RAB12: variants seen among roughly 807,000 people sequenced by gnomAD.
RAB12 encodes RAB12, member RAS oncogene family, also known as ras-related protein Rab-12.
In RAB12, 11 loss-of-function variants were observed where a neutral mutation model predicts 28.4. The ratio of observed to expected loss-of-function variants is 0.39; its 90% CI spans 0.24 to 0.64. RAB12 has a LOEUF of 0.64. RAB12 is among the 30% of genes least tolerant of loss of function. The pLI, the probability that RAB12 is intolerant of heterozygous loss-of-function variation, is 0.50. For missense variants in RAB12, 276 were observed against 351.1 expected, an observed-to-expected ratio of 0.79 and a Z score of 1.71; for synonymous variants, 138 against 145.3, an observed-to-expected ratio of 0.95 and a Z score of 0.36.
Position 8,638,403 on chromosome 18 carries a change from A to G in RAB12, c.*141A>G, listed in dbSNP as rs1244175645. The G allele has an allele frequency of 6.4e-6, 4 of 621,490 alleles. No homozygotes were observed. Among genetic ancestry groups the G allele is most frequent in the African/African-American group, 1.8e-5 (1 of 54,192 alleles). 38.5% of individuals were successfully genotyped at this position (621,490 alleles called of 1,614,324 possible). A position where few individuals can be genotyped will look rare whatever the true frequency, so the allele number is the denominator to read the frequency against. ...TATACACTAACTTGTAAATATGCAT[A>G]TATGCAATCCTGGGTAAGTTTTGGT... is the stretch of plus-strand genomic sequence containing the variant. On this transcript the variant is annotated 3_prime_UTR_variant, in exon 6 of 6. Transcript: ENST00000649141.
At chr18:8,631,232 A>G (rs558395570) in intron 2 of RAB12, among the ~76,000 whole-genome samples, 28 of 152,332 alleles carry the variant, frequency 1.8e-4, no homozygotes, top group African/African-American at 5.5e-4. Context: ...GTGTGGGACT[A>G]TTGGTCATCT....
At chr18:8,630,139 A>C (rs763721463) in intron 2 of RAB12, among the ~76,000 whole-genome samples, 3 of 152,342 alleles carry the variant, frequency 2.0e-5, no homozygotes, top group Non-Finnish European at 4.4e-5. Flanking sequence ...GGACACACCT[A>C]TGACACAGCA....
At chr18:8,616,379 TAAAAAAA>T (rs373829340) in intron 1 of RAB12, among the ~76,000 whole-genome samples, 1 of 121,466 alleles carries the variant, frequency 8.2e-6, no homozygotes, top group Admixed American at 8.3e-5. Context: ...GTGTGATTGT[TAAAAAAA>T]AAAAAAAAAA....
chr18:8,618,713 C>T (rs979869101), intron 1 of RAB12, among the ~76,000 whole-genome samples: 2 of 152,260 alleles, frequency 1.3e-5, no homozygotes, highest in Admixed American at 6.5e-5. Context: ...GAGGTTTCAC[C>T]GTGTTAGCCA....
At chr18:8,618,060 A>G (rs186172323) in intron 1 of RAB12, among the ~76,000 whole-genome samples, 1 of 152,146 alleles carries the variant, frequency 6.6e-6, no homozygotes, top group African/African-American at 2.4e-5. Flanking sequence ...GGAACTGTCC[A>G]CTCACTCTGC....
intron 1 of RAB12, among the ~76,000 whole-genome samples, chr18:8,618,388 TATAGTA>T (rs1465492224): frequency 2.0e-5 from 3 of 152,156 alleles, no homozygotes; most frequent in African/African-American, 7.2e-5. Context: ...ATTTTATAGT[TATAGTA>T]CTTAGTTTCT....
chr18:8,624,857 A>C, intron 1 of RAB12, 81 bp from the exon 2 acceptor site: 8 of 939,402 alleles, frequency 8.5e-6, no homozygotes, highest in Non-Finnish European at 1.3e-5. Flanking sequence ...TAATGATAAC[A>C]AAATACACAA....
At chr18:8,616,389 A>C (rs1023633530) in intron 1 of RAB12, among the ~76,000 whole-genome samples, 1 of 151,966 alleles carries the variant, frequency 6.6e-6, no homozygotes, top group African/African-American at 2.4e-5. Context: ...TAAAAAAAAA[A>C]AAAAAAAAAA....
Position 8,638,136 on chromosome 18 carries a change from GT to G in RAB12, c.910-10del. 6.4e-7 allele frequency: 1 copy of G among 1,568,594 alleles called. No homozygotes were observed. Among genetic ancestry groups the G allele is most frequent in the African/African-American group, 1.4e-5 (1 of 73,266 alleles). ...AGTTAAAACGGATTTTTTTTTGTTT[GT>G]TTATACGTTAGATGCCTCTGGATAT... On this transcript the variant is annotated splice_polypyrimidine_tract_variant and intron_variant, in intron 5 of 5. Coordinates refer to ENST00000649141, the MANE Select transcript of RAB12 (RefSeq NM_001025300.3).
At chr18:8,615,999 A>G (rs961010875) in intron 1 of RAB12, among the ~76,000 whole-genome samples, 3 of 152,238 alleles carry the variant, frequency 2.0e-5, no homozygotes, top group Non-Finnish European at 4.4e-5. Flanking sequence ...TTGAGAACTG[A>G]TAGGTCCAAA....
intron 1 of RAB12, among the ~76,000 whole-genome samples, chr18:8,621,369 G>A (rs1351011755): frequency 1.3e-5 from 2 of 152,196 alleles, no homozygotes; most frequent in Non-Finnish European, 2.9e-5. Context: ...AGAGGTATAT[G>A]TTTCTAAGCC....
At chr18:8,636,226 A>C in intron 4 of RAB12, 27 bp from the exon 5 acceptor site, 3 of 1,510,482 alleles carry the variant, frequency 2.0e-6, no homozygotes, top group Non-Finnish European at 2.8e-6. Flanking sequence ...CCCCACACAG[A>C]GGAAATAGGT....
intron 4 of RAB12, among the ~76,000 whole-genome samples, chr18:8,636,002 T>C (rs321663): frequency 0.25 from 38,283 of 152,138 alleles, 7,164 homozygotes; most frequent in African/African-American, 0.53. Context: ...ATGTTACACT[T>C]TTAGAAACTT....
intron 4 of RAB12, 90 bp from the exon 5 acceptor site, chr18:8,636,163 C>T: frequency 1.2e-6 from 1 of 824,044 alleles, no homozygotes; most frequent in Non-Finnish European, 2.1e-6. Context: ...AATCCCAGCC[C>T]TTCCCTTGAA....
rs1264331372 is a variant in RAB12 at position 8,638,618 on chromosome 18, G to A, written c.*356G>A. On this transcript the variant is annotated 3_prime_UTR_variant, in exon 6 of 6. Transcript: ENST00000649141. Reference sequence around the variant, plus strand: ...ATGAGGACAGAAGATATTCTGATAAGAGAGAACGTGGTGCTTTGCTTACCG... The same window carrying A: ...ATGAGGACAGAAGATATTCTGATAAAAGAGAACGTGGTGCTTTGCTTACCG... 2 of 160,506 alleles carry A rather than the reference G, an allele frequency of 1.2e-5. No individual in the cohort carries two copies. Among genetic ancestry groups the A allele is most frequent in the Non-Finnish European group, 2.7e-5 (2 of 73,258 alleles). The allele number at this position is 160,506 out of a possible 1,614,324, so 9.9% of individuals were successfully genotyped here. A position where few individuals can be genotyped will look rare whatever the true frequency, so the allele number is the denominator to read the frequency against.
At chr18:8,633,381 C>A in intron 3 of RAB12, 54 bp downstream of exon 3, 1 of 1,587,760 alleles carries the variant, frequency 6.3e-7, no homozygotes, top group South Asian at 1.1e-5. Flanking sequence ...GAGTCTTAAT[C>A]ATTATTAAAA....
chr18:8,631,617 C>G (rs964870203), intron 2 of RAB12, among the ~76,000 whole-genome samples: 5 of 152,324 alleles, frequency 3.3e-5, no homozygotes, highest in African/African-American at 4.8e-5. Context: ...CGGGCTCCCT[C>G]CATGTCTGTT....
At chr18:8,629,442 G>A (rs28548035) in intron 2 of RAB12, among the ~76,000 whole-genome samples, 18,229 of 152,174 alleles carry the variant, frequency 0.12, 1,291 homozygotes, top group Admixed American at 0.17. Context: ...GAGGCCAAAA[G>A]ATGAAGTTTC....
At chr18:8,613,964 T>G (rs1292610530) in intron 1 of RAB12, among the ~76,000 whole-genome samples, 1 of 152,170 alleles carries the variant, frequency 6.6e-6, no homozygotes, top group Non-Finnish European at 1.5e-5. Context: ...ACGAGAAGTC[T>G]CAGAGAGGTA....
Sources: allele counts gnomAD v4.1 joint callset (sites outside exome capture counted in the v4.1 genomes callset), GRCh38; gene constraint gnomAD v4.1.1; transcripts MANE v1.5; gene names NCBI Gene and HGNC (gene_info 2026-07-23, HGNC 2026-07-21).